The following GPC3 variants were observed in gnomAD, a reference collection of about 807,000 sequenced individuals.
GPC3 encodes glypican 3.
A neutral mutation model predicts 34.4 loss-of-function variants in GPC3; 3 were observed. The ratio of observed to expected loss-of-function variants is 0.09; its 90% CI spans 0.04 to 0.23. GPC3 has a LOEUF of 0.23. Among genes scored for constraint, GPC3 ranks in the 10% least tolerant of loss-of-function variants. The pLI is 1.00. For missense variants in GPC3, 351 were observed against 445.6 expected, an observed-to-expected ratio of 0.79 and a Z score of 1.91; for synonymous variants, 177 against 174.0, an observed-to-expected ratio of 1.02 and a Z score of -0.13.
intron 6 of GPC3, among the ~76,000 whole-genome samples, chrX:133,614,646 A>T (rs2070142601): frequency 8.9e-6 from 1 of 111,988 alleles, no homozygotes; most frequent in South Asian, 3.7e-4. Context: ...ACTAGACAGT[A>T]ACCCACACTG....
chrX:133,981,647 T>C (rs1461713119), intron 1 of GPC3, among the ~76,000 whole-genome samples: 1 of 112,171 alleles, frequency 8.9e-6, no homozygotes, highest in East Asian at 2.8e-4. Context: ...TCACTTATTA[T>C]TCTCTCTCTG....
chrX:133,962,628 G>C (rs1469276796), intron 1 of GPC3, among the ~76,000 whole-genome samples: 5 of 112,176 alleles, frequency 4.5e-5, no homozygotes, highest in Non-Finnish European at 7.5e-5. Context: ...TTCTAGTTTA[G>C]AATTCTGCCA....
At chrX:133,913,223 G>A (rs1296169207) in intron 2 of GPC3, among the ~76,000 whole-genome samples, 10 of 111,982 alleles carry the variant, frequency 8.9e-5, no homozygotes, top group Admixed American at 8.5e-4. Context: ...AGAGGCAGAG[G>A]AAGAAGACTT....
At position 133,847,755 on chromosome X, in the gene GPC3, T is replaced by C. The variant is rs767004226; in HGVS notation, c.338-93579A>G. Among the ~76,000 whole-genome samples the C allele has an allele frequency of 4.5e-5, 5 of 112,231 alleles. No individual in the cohort carries two copies. In the South Asian group the frequency reaches 1.9e-3, roughly 42 times the overall value. On this transcript the variant is annotated intron_variant, in intron 2 of 7. Transcript: ENST00000370818. ...AGTGCAATGCAGAGTGCCTGACTTG[T>C]TGGGTGGGAGTCAGAATCATGACTA...
chrX:133,824,455 G>T (rs758084735), intron 2 of GPC3, among the ~76,000 whole-genome samples: 1 of 111,393 alleles, frequency 9.0e-6, no homozygotes, highest in Non-Finnish European at 1.9e-5. Context: ...AGGAGACGAA[G>T]GGGGAGAGGT....
At chrX:133,567,125 A>G (rs12850814) in intron 7 of GPC3, among the ~76,000 whole-genome samples, 1 of 112,012 alleles carries the variant, frequency 8.9e-6, no homozygotes, top group Non-Finnish European at 1.9e-5. Flanking sequence ...ATTCTTGTAG[A>G]CAAGTACTTT....
intron 2 of GPC3, among the ~76,000 whole-genome samples, chrX:133,880,665 A>C (rs1160695444): frequency 8.9e-6 from 1 of 112,266 alleles, no homozygotes; most frequent in African/African-American, 3.2e-5. Flanking sequence ...TTTCTCCAGG[A>C]AATTGTGAAT....
intron 7 of GPC3, among the ~76,000 whole-genome samples, chrX:133,570,304 C>T (rs899525539): frequency 2.7e-5 from 3 of 111,367 alleles, no homozygotes; most frequent in Non-Finnish European, 3.8e-5. Flanking sequence ...TAGGTTCAAG[C>T]GAGTCTCCTG....
intron 5 of GPC3, among the ~76,000 whole-genome samples, chrX:133,673,505 C>T (rs2070853479): frequency 8.9e-6 from 1 of 112,524 alleles, no homozygotes; most frequent in Admixed American, 9.4e-5. Flanking sequence ...GTGAAGGTAA[C>T]TGACGTTCAA....
At chrX:133,897,775 T>C (rs765536887) in intron 2 of GPC3, among the ~76,000 whole-genome samples, 54 of 111,443 alleles carry the variant, frequency 4.8e-4, no homozygotes, top group African/African-American at 1.7e-3. Context: ...ACCAAGGCCA[T>C]ATATATCTCC....
chrX:133,617,956 T>G (rs17324454), intron 6 of GPC3, among the ~76,000 whole-genome samples: 1 of 111,761 alleles, frequency 8.9e-6, no homozygotes, highest in African/African-American at 3.2e-5. Flanking sequence ...TTTATGTGTG[T>G]GAACCGAAAC....
At chrX:133,885,692 C>A (rs1280756579) in intron 2 of GPC3, among the ~76,000 whole-genome samples, 1 of 111,450 alleles carries the variant, frequency 9.0e-6, no homozygotes, top group Non-Finnish European at 1.9e-5. Flanking sequence ...AAAGTCCAAA[C>A]AAAGACTGGG....
chrX:133,768,243 G>A (rs1358732056), intron 2 of GPC3, among the ~76,000 whole-genome samples: 1 of 111,299 alleles, frequency 9.0e-6, no homozygotes, highest in Admixed American at 9.6e-5. Context: ...AGCATCGAGC[G>A]CCTAAAGTAA....
At chrX:133,911,699 AC>A (rs1320523253) in intron 2 of GPC3, among the ~76,000 whole-genome samples, 13 of 111,758 alleles carry the variant, frequency 1.2e-4, no homozygotes, top group Non-Finnish European at 1.9e-4. Context: ...TGAACTTTTG[AC>A]CTTCTGTACT....
At chrX:133,842,370 C>T (rs5977923) in intron 2 of GPC3, among the ~76,000 whole-genome samples, 8,155 of 105,951 alleles carry the variant, frequency 0.077, 572 homozygotes, top group African/African-American at 0.2. Context: ...ATATATATTA[C>T]ATTATATTAT....
intron 6 of GPC3, among the ~76,000 whole-genome samples, chrX:133,636,113 G>A (rs1230430851): frequency 9.0e-6 from 1 of 111,469 alleles, no homozygotes; most frequent in African/African-American, 3.3e-5. Flanking sequence ...TACACTTCCT[G>A]GTTCACAAAA....
intron 5 of GPC3, among the ~76,000 whole-genome samples, chrX:133,675,479 T>C (rs1281762989): frequency 9.0e-6 from 1 of 111,654 alleles, no homozygotes; most frequent in Non-Finnish European, 1.9e-5. Flanking sequence ...CAAAACTCTG[T>C]CCTGGGGCTC....
intron 2 of GPC3, among the ~76,000 whole-genome samples, chrX:133,816,365 C>CT (rs1198535701): frequency 1.8e-5 from 2 of 111,991 alleles, no homozygotes; most frequent in East Asian, 5.6e-4. Context: ...TAATATTGCT[C>CT]TTTTTTTGAA....
At chrX:133,642,772 C>CAAAAA (rs375514321) in intron 6 of GPC3, among the ~76,000 whole-genome samples, 6 of 25,626 alleles carry the variant, frequency 2.3e-4, no homozygotes, top group Non-Finnish European at 3.1e-4. Flanking sequence ...AACTACGTCT[C>CAAAAA]AAAAAAAAAA....
Sources: gnomAD v4.1 joint callset for allele counts (sites outside exome capture counted in the v4.1 genomes callset) on GRCh38, gnomAD v4.1.1 for gene constraint, MANE v1.5 for transcripts, NCBI Gene and HGNC (gene_info 2026-07-23, HGNC 2026-07-21) for gene names.